The following SPDYE10 variants were observed in gnomAD, a reference collection of about 807,000 sequenced individuals.
SPDYE10 encodes the protein speedy protein E10.
the SPDYE10 span, among the ~76,000 whole-genome samples, chr7:73,123,788 C>CCCTCTCTCTCTCTCTCT: frequency 6.2e-5 from 6 of 97,456 alleles, no homozygotes; most frequent in African/African-American, 2.5e-4. Flanking sequence ...TCTCTCTCTC[C>CCCTCTCTCTCTCTCTCT]CTCTCTCTCT....
At chr7:73,127,107 T>G in the SPDYE10 span, among the ~76,000 whole-genome samples, 1 of 54,588 alleles carries the variant, frequency 1.8e-5, no homozygotes, top group South Asian at 6.5e-4. Context: ...TTTTTTTTTT[T>G]TTTTGTATTT....
chr7:73,130,664 A>G, the SPDYE10 span, among the ~76,000 whole-genome samples: 1 of 151,844 alleles, frequency 6.6e-6, no homozygotes, highest in African/African-American at 2.4e-5. Context: ...TACATTGGCC[A>G]GTCTGGTCTC....
the SPDYE10 span, among the ~76,000 whole-genome samples, chr7:73,140,623 AATTT>A: frequency 2.8e-5 from 3 of 105,514 alleles, no homozygotes; most frequent in African/African-American, 7.1e-5. Context: ...TGAATGAATG[AATTT>A]ATTTATTTAT....
At chr7:73,120,742 C>A in the SPDYE10 span, among the ~76,000 whole-genome samples, 2 of 147,280 alleles carry the variant, frequency 1.4e-5, no homozygotes, top group South Asian at 4.3e-4. Flanking sequence ...GAGCCAAGAT[C>A]GTGTCTCTGC....
the SPDYE10 span, among the ~76,000 whole-genome samples, chr7:73,137,600 AAGAAAG>A: frequency 2.7e-5 from 2 of 73,918 alleles, no homozygotes; most frequent in East Asian, 3.8e-4. Context: ...AGATGAAAGA[AAGAAAG>A]AAAGAAAGAA....
At chr7:73,128,053 G>A in the SPDYE10 span, among the ~76,000 whole-genome samples, 1 of 150,528 alleles carries the variant, frequency 6.6e-6, no homozygotes. Context: ...GAAAAAAACA[G>A]AAACAAAGTA....
chr7:73,150,909 T>A, the SPDYE10 span, among the ~76,000 whole-genome samples: 1,798 of 5,496 alleles, frequency 0.33, 293 homozygotes, highest in Middle Eastern at 0.5. Context: ...AAAAAAAAAA[T>A]ATATATATAT....
the SPDYE10 span, among the ~76,000 whole-genome samples, chr7:73,117,069 G>GT: frequency 0.011 from 1,539 of 138,960 alleles, 14 homozygotes; most frequent in African/African-American, 0.033. Flanking sequence ...TAATTTTTGG[G>GT]TTTTTTTTTT....
chr7:73,142,504 A>G, the SPDYE10 span, among the ~76,000 whole-genome samples: 2 of 152,232 alleles, frequency 1.3e-5, no homozygotes, highest in South Asian at 4.1e-4. Flanking sequence ...CATGAGCTAT[A>G]TAGTACCCGG....
the SPDYE10 span, among the ~76,000 whole-genome samples, chr7:73,126,787 C>G: frequency 2.0e-5 from 3 of 150,770 alleles, no homozygotes; most frequent in African/African-American, 7.3e-5. Context: ...AAGCAATTCT[C>G]CCAAGTAACT....
At chr7:73,135,871 C>CTTT in the SPDYE10 span, among the ~76,000 whole-genome samples, 133 of 36,992 alleles carry the variant, frequency 3.6e-3, 1 homozygote, top group Non-Finnish European at 6.3e-3. Context: ...CGCACCCGGT[C>CTTT]TTTTTTTTTT....
the SPDYE10 span, among the ~76,000 whole-genome samples, chr7:73,123,788 C>CCTCTCTCTCCCTCTCTCTCTCT: frequency 4.1e-5 from 4 of 97,458 alleles, no homozygotes; most frequent in African/African-American, 1.5e-4. Flanking sequence ...TCTCTCTCTC[C>CCTCTCTCTCCCTCTCTCTCTCT]CTCTCTCTCT....
chr7:73,114,700 C>CT, the SPDYE10 span, among the ~76,000 whole-genome samples: 1 of 146,058 alleles, frequency 6.8e-6, no homozygotes, highest in Non-Finnish European at 1.5e-5. Flanking sequence ...CCACGGGTGT[C>CT]TAATTTTTTG....
At chr7:73,123,486 G>A in the SPDYE10 span, among the ~76,000 whole-genome samples, 2 of 152,214 alleles carry the variant, frequency 1.3e-5, no homozygotes, top group Non-Finnish European at 2.9e-5. Flanking sequence ...TGTTTTTTTA[G>A]ATGGAGTTTT....
chr7:73,134,492 C>T, the SPDYE10 span, among the ~76,000 whole-genome samples: 1 of 92,296 alleles, frequency 1.1e-5, no homozygotes, highest in African/African-American at 4.8e-5. Context: ...TCACATTGTG[C>T]ACATGTACCC....
the SPDYE10 span, among the ~76,000 whole-genome samples, chr7:73,140,884 G>C: frequency 1.7e-3 from 261 of 150,144 alleles, no homozygotes; most frequent in Non-Finnish European, 2.4e-3. Context: ...GCCTCCCAAA[G>C]TGCTGGGATT....
chr7:73,150,895 C>CAAAAAAAAA, the SPDYE10 span, among the ~76,000 whole-genome samples: 2 of 1,222 alleles, frequency 1.6e-3, no homozygotes, highest in African/African-American at 4.0e-3. Context: ...GACCCTGTCT[C>CAAAAAAAAA]AAAAAAAAAA....
chr7:73,104,821 A>G, the SPDYE10 span: 1 of 145,732 alleles, frequency 6.9e-6, no homozygotes, highest in Non-Finnish European at 1.5e-5. Context: ...AGGAGCACAT[A>G]TAATAATACA....
the SPDYE10 span, among the ~76,000 whole-genome samples, chr7:73,142,276 GT>G: frequency 0.099 from 6,273 of 63,120 alleles, 1 homozygote; most frequent in African/African-American, 0.25. Flanking sequence ...TTTGCAAGCT[GT>G]TACCATTGGG....
Sources: allele counts gnomAD v4.1 joint callset (sites outside exome capture counted in the v4.1 genomes callset), GRCh38; gene constraint gnomAD v4.1.1; transcripts MANE v1.5; gene names NCBI Gene and HGNC (gene_info 2026-07-23, HGNC 2026-07-21).